NFYC: variants seen among roughly 807,000 people sequenced by gnomAD.
NFYC encodes the protein nuclear transcription factor Y subunit gamma, also known as CAAT box DNA-binding protein subunit C.
Under a neutral mutation model 53.1 loss-of-function variants are expected in NFYC, and 25 were observed. The observed-to-expected ratio is 0.47, with a 90% CI of 0.34 to 0.66. The LOEUF is 0.66. Ranked by LOEUF, NFYC falls within the 30% of genes least tolerant of loss-of-function variation. The pLI, the probability that NFYC is intolerant of heterozygous loss-of-function variation, is 0.01. For synonymous variants in NFYC, 145 were observed against 152.6 expected, an observed-to-expected ratio of 0.95 and a Z score of 0.37; for missense variants, 260 against 422.7, an observed-to-expected ratio of 0.62 and a Z score of 3.38.
intron 1 of NFYC, among the ~76,000 whole-genome samples, chr1:40,715,514 A>G (rs1447040174): frequency 6.6e-6 from 1 of 151,664 alleles, no homozygotes; most frequent in Non-Finnish European, 1.5e-5. Flanking sequence ...AAGCACTGGC[A>G]TTTACAGGTG....
chr1:40,744,681 A>G (rs1645519956), intron 2 of NFYC, among the ~76,000 whole-genome samples: 1 of 152,220 alleles, frequency 6.6e-6, no homozygotes, highest in African/African-American at 2.4e-5. Context: ...CTTCTGCCTT[A>G]CTGATAGAAC....
intron 6 of NFYC, among the ~76,000 whole-genome samples, chr1:40,758,655 ATTTGTGCCC>A (rs1337132309): frequency 6.6e-6 from 1 of 152,168 alleles, no homozygotes; most frequent in Non-Finnish European, 1.5e-5. Flanking sequence ...GAGAAGTGGA[ATTTGTGCCC>A]TTAAAGGGAG....
At chr1:40,759,092 C>T (rs1282012096) in intron 6 of NFYC, among the ~76,000 whole-genome samples, 1 of 152,202 alleles carries the variant, frequency 6.6e-6, no homozygotes, top group Non-Finnish European at 1.5e-5. Context: ...AGTACCTTGG[C>T]TCAGCGCAGT....
chr1:40,762,857 C>CA, intron 6 of NFYC, 31 bp from the exon 7 acceptor site: 5 of 1,532,648 alleles, frequency 3.3e-6, no homozygotes, highest in Non-Finnish European at 4.4e-6. Flanking sequence ...AGCCTGAACT[C>CA]ACGCAGCATT....
intron 1 of NFYC, among the ~76,000 whole-genome samples, chr1:40,737,390 GTGATCTTGGCTCAC>G (rs1557829360): frequency 2.0e-5 from 3 of 149,848 alleles, no homozygotes; most frequent in African/African-American, 7.4e-5. Flanking sequence ...GTGCAATGGC[GTGATCTTGGCTCAC>G]TGCAACCTCT....
rs531034194 is a variant in NFYC at position 40,761,221 on chromosome 1, G to T, written c.562-1667G>T. On this transcript the variant is annotated intron_variant, in intron 6 of 9. Coordinates refer to ENST00000447388, the MANE Select transcript of NFYC (RefSeq NM_014223.5). The stretch of plus-strand genomic sequence containing the variant: ...TTTTTAGTCAGCGAGAATTTCATCT[G>T]TGCTCCTCTCTGCCAACCCAGACGT... Among the ~76,000 whole-genome samples, 4 of 152,314 alleles carry T rather than the reference G, an allele frequency of 2.6e-5. No individual in the cohort carries two copies. In the East Asian group the frequency reaches 5.8e-4, roughly 22 times the overall value.
chr1:40,734,173 A>G (rs1570512752), intron 1 of NFYC, among the ~76,000 whole-genome samples: 1 of 152,110 alleles, frequency 6.6e-6, no homozygotes, highest in African/African-American at 2.4e-5. Context: ...AAGCCACAAC[A>G]CCCAGCCTCC....
Position 40,738,949 on chromosome 1 carries a change from G to A in NFYC, c.105+1G>A. 1 of 1,603,156 alleles carries A rather than the reference G, an allele frequency of 6.2e-7. No homozygotes were observed. The highest frequency in any genetic ancestry group is 8.5e-7 in the Non-Finnish European group (1 of 1,169,974). ...GGAAGAAATCCGGAATTTAACAGTG[G>A]TGAGGAAGAATGAGAAACTTTTATT... On this transcript the variant is annotated splice_donor_variant, in intron 2 of 9. Coordinates refer to ENST00000447388, the MANE Select transcript of NFYC (RefSeq NM_014223.5). LOFTEE classifies it high-confidence loss of function.
chr1:40,693,053 G>A (rs911047752), intron 1 of NFYC, among the ~76,000 whole-genome samples: 1 of 152,166 alleles, frequency 6.6e-6, no homozygotes, highest in Non-Finnish European at 1.5e-5. Flanking sequence ...TTAAGGGAAA[G>A]GGAGCTAGCC....
chr1:40,705,700 A>G (rs1394337840), intron 1 of NFYC, among the ~76,000 whole-genome samples: 1 of 152,200 alleles, frequency 6.6e-6, no homozygotes, highest in African/African-American at 2.4e-5. Context: ...TAGGTCTCTA[A>G]CTGGCATATC....
chr1:40,699,290 A>G (rs1258834093), intron 1 of NFYC, among the ~76,000 whole-genome samples: 1 of 152,216 alleles, frequency 6.6e-6, no homozygotes, highest in Non-Finnish European at 1.5e-5. Context: ...TCACAATCCC[A>G]AATTACTGTT....
Position 40,770,639 on chromosome 1 carries a change from C to G in NFYC, c.889-70C>G, listed in dbSNP as rs201847603. The G allele has an allele frequency of 6.2e-7, 1 of 1,614,108 alleles. No homozygotes were observed. Among genetic ancestry groups the G allele is most frequent in the Non-Finnish European group, 8.5e-7 (1 of 1,179,996 alleles). ...AGGTATCTGGGACCCCCAACCAGCTCGAGACCCATAGGGAGCTGCATGCCC... is the reference window on the plus strand; with the variant it reads ...AGGTATCTGGGACCCCCAACCAGCTGGAGACCCATAGGGAGCTGCATGCCC... On this transcript the variant is annotated intron_variant, in intron 9 of 9. Transcript: ENST00000447388. This position sits in a 1 kb window ranked among gnomAD's most constrained non-coding sequence, Gnocchi z 5.3.
chr1:40,708,923 T>C (rs1443852049), intron 1 of NFYC, among the ~76,000 whole-genome samples: 2 of 152,228 alleles, frequency 1.3e-5, no homozygotes, highest in East Asian at 3.8e-4. Context: ...ACAGACATCT[T>C]TGATGGCCAA....
intron 1 of NFYC, among the ~76,000 whole-genome samples, chr1:40,722,247 A>G (rs1644355623): frequency 6.6e-6 from 1 of 152,176 alleles, no homozygotes. Context: ...GAGAAAACCT[A>G]GTATAGCTAT....
At chr1:40,753,685 C>T (rs1002307088) in intron 5 of NFYC, among the ~76,000 whole-genome samples, 10 of 152,114 alleles carry the variant, frequency 6.6e-5, no homozygotes, top group African/African-American at 2.4e-4. Context: ...TTATATAGTA[C>T]CCTGACTGCA....
Position 40,770,796 on chromosome 1 carries a change from G to A in NFYC, c.976G>A (p.Asp326Asn), listed in dbSNP as rs372324578. 6.8e-6 allele frequency: 11 copies of A among 1,611,600 alleles called. No homozygotes were observed. In the East Asian group the frequency reaches 1.3e-4, roughly 20 times the overall value. The change falls in exon 10 of 10, where the codon GAC (aspartate) becomes AAC (asparagine). Residue 326 changes from aspartate to asparagine, a missense_variant. Asp to Asn is a conservative substitution (Grantham distance 23). Transcript: ENST00000447388. This position sits in a 1 kb window ranked among gnomAD's most constrained non-coding sequence, Gnocchi z 5.3. ...CATCCAGTCAGCCAACCAGCCCTCC[G>A]ACGGGCAGGCCCCCCAGGTGACCGG... ...MFIQSANQPS[D>N]GQAPQVTGD
At chr1:40,708,118 T>A (rs1366366366) in intron 1 of NFYC, among the ~76,000 whole-genome samples, 1 of 152,168 alleles carries the variant, frequency 6.6e-6, no homozygotes, top group Non-Finnish European at 1.5e-5. Context: ...AGCATTTACA[T>A]TTTATTAGGT....
chr1:40,738,145 G>A (rs940334109), intron 1 of NFYC, among the ~76,000 whole-genome samples: 4 of 151,800 alleles, frequency 2.6e-5, no homozygotes, highest in South Asian at 4.2e-4. Flanking sequence ...CTTGTGATCC[G>A]CCCGCCTCGG....
intron 4 of NFYC, among the ~76,000 whole-genome samples, chr1:40,751,256 A>C (rs1645897443): frequency 6.6e-6 from 1 of 152,224 alleles, no homozygotes; most frequent in Admixed American, 6.5e-5. Context: ...TACTATGTTA[A>C]CAAAAGGAAC....
Sources: gnomAD v4.1 joint callset for allele counts (sites outside exome capture counted in the v4.1 genomes callset) on GRCh38, gnomAD v4.1.1 for gene constraint, Gnocchi (gnomAD v3.1) non-coding constraint, MANE v1.5 for transcripts, NCBI Gene and HGNC (gene_info 2026-07-23, HGNC 2026-07-21) for gene names.